The following GLDC variants were observed in gnomAD, a reference collection of about 807,000 sequenced individuals.
GLDC encodes glycine decarboxylase.
GLDC carries 104 observed loss-of-function variants against 121.3 expected under a neutral mutation model. The ratio of observed to expected loss-of-function variants is 0.86; its 90% CI spans 0.73 to 1.01. The LOEUF is 1.01. GLDC is among the 50% of genes least tolerant of loss of function. The probability of loss-of-function intolerance (pLI) is 0.00; values close to 1 mark genes in which losing one functional copy is unlikely to be tolerated. For synonymous variants in GLDC, 546 were observed against 480.6 expected, an observed-to-expected ratio of 1.14 and a Z score of -1.78; for missense variants, 1,429 against 1,306.6, an observed-to-expected ratio of 1.09 and a Z score of -1.44.
rs553833884 is a variant in GLDC at position 6,639,875 on chromosome 9, A to T, written c.334+4739T>A. On this transcript the variant is annotated intron_variant, in intron 2 of 24. Transcript: ENST00000321612. ...GAAAGCCAGATTGCTATCTCTAGTG[A>T]CAATCCAGGAAACCGAACAACAACT... Among the ~76,000 whole-genome samples the T allele has an allele frequency of 5.3e-5, 8 of 152,262 alleles. No individual in the cohort carries two copies. The South Asian group carries it at 1.2e-3, about 24-fold the overall frequency.
chr9:6,584,867 C>T (rs2129823074), intron 15 of GLDC, among the ~76,000 whole-genome samples: 1 of 152,258 alleles, frequency 6.6e-6, no homozygotes, highest in South Asian at 2.1e-4. Context: ...TTACCCTCTG[C>T]AAGATTGGGA....
chr9:6,622,366 C>T (rs1755613), intron 2 of GLDC, among the ~76,000 whole-genome samples: 24 of 148,004 alleles, frequency 1.6e-4, no homozygotes, highest in East Asian at 1.2e-3. Context: ...CTCAGCCTGA[C>T]GAGTGCCTGC....
At chr9:6,608,074 G>A (rs958021753) in intron 4 of GLDC, among the ~76,000 whole-genome samples, 3 of 152,000 alleles carry the variant, frequency 2.0e-5, no homozygotes, top group Non-Finnish European at 4.4e-5. Flanking sequence ...AGTGAGCTGA[G>A]ATCGTGCACC....
At chr9:6,634,940 G>A (rs1342169341) in intron 2 of GLDC, among the ~76,000 whole-genome samples, 2 of 152,142 alleles carry the variant, frequency 1.3e-5, no homozygotes, top group African/African-American at 4.8e-5. Context: ...CTTAGAGGGG[G>A]GAAAATAAAT....
intron 8 of GLDC, 59 bp from the exon 9 acceptor site, chr9:6,595,178 A>G: frequency 1.8e-6 from 2 of 1,102,492 alleles, no homozygotes; most frequent in Non-Finnish European, 2.8e-6. Context: ...GGGAGGGTGT[A>G]ATTACTTGAC....
intron 16 of GLDC, among the ~76,000 whole-genome samples, chr9:6,560,888 C>T (rs1475477870): frequency 6.6e-6 from 1 of 152,080 alleles, no homozygotes. Flanking sequence ...TTGGGCTGGG[C>T]CCTAAATATA....
intron 2 of GLDC, among the ~76,000 whole-genome samples, chr9:6,626,125 T>TA (rs1445922039): frequency 6.6e-6 from 1 of 151,900 alleles, no homozygotes; most frequent in Non-Finnish European, 1.5e-5. Context: ...AAGGTCTCTT[T>TA]ACTATGGTTT....
intron 8 of GLDC, among the ~76,000 whole-genome samples, chr9:6,598,606 G>C (rs1359402050): frequency 6.6e-6 from 1 of 152,188 alleles, no homozygotes; most frequent in Non-Finnish European, 1.5e-5. Context: ...AAAGACACCA[G>C]TCATCTCCTA....
At chr9:6,546,822 C>T (rs1464370247) in intron 21 of GLDC, among the ~76,000 whole-genome samples, 2 of 151,772 alleles carry the variant, frequency 1.3e-5, no homozygotes, top group African/African-American at 2.4e-5. Flanking sequence ...ATCAGCCAAG[C>T]GTGGTGATGA....
At chr9:6,543,795 G>C (rs1229608251) in intron 21 of GLDC, among the ~76,000 whole-genome samples, 1 of 151,920 alleles carries the variant, frequency 6.6e-6, no homozygotes. Flanking sequence ...AAACCACTCA[G>C]CACCAACTTT....
intron 1 of GLDC, 139 bp from the exon 2 acceptor site, chr9:6,644,831 G>A (rs1819706838): frequency 2.9e-6 from 2 of 699,146 alleles, no homozygotes; most frequent in Non-Finnish European, 5.1e-6. Context: ...GGAAAACTCT[G>A]AGCAAGCCAG....
chr9:6,561,955 C>A (rs975325444), intron 16 of GLDC, among the ~76,000 whole-genome samples: 2 of 152,190 alleles, frequency 1.3e-5, no homozygotes, highest in Non-Finnish European at 1.5e-5. Context: ...AAAATATTCC[C>A]ATACAGGTTT....
chr9:6,560,516 T>G (rs961838569), intron 16 of GLDC, among the ~76,000 whole-genome samples: 4 of 152,214 alleles, frequency 2.6e-5, no homozygotes, highest in Non-Finnish European at 2.9e-5. Context: ...TTTCTTTAAT[T>G]TCTGAGGACC....
chr9:6,622,048 G>T (rs552336475), intron 2 of GLDC, among the ~76,000 whole-genome samples: 1 of 151,910 alleles, frequency 6.6e-6, no homozygotes, highest in Non-Finnish European at 1.5e-5. Context: ...CAGCAAACTG[G>T]CAAGGAAGAC....
intron 20 of GLDC, among the ~76,000 whole-genome samples, chr9:6,551,759 G>A (rs1302072822): frequency 6.6e-6 from 1 of 152,136 alleles, no homozygotes; most frequent in African/African-American, 2.4e-5. Context: ...AAGAATGGCA[G>A]AAATGAAGGC....
intron 2 of GLDC, chr9:6,644,399 C>T (rs1321930242): frequency 6.6e-6 from 4 of 610,336 alleles, no homozygotes; most frequent in Non-Finnish European, 1.2e-5. Flanking sequence ...CCAAGAACCG[C>T]ACAACACCGA....
intron 15 of GLDC, among the ~76,000 whole-genome samples, chr9:6,577,815 A>G (rs1818099638): frequency 7.4e-6 from 1 of 135,116 alleles, no homozygotes; most frequent in Admixed American, 7.1e-5. Flanking sequence ...TACGTTATTG[A>G]TTTTTTTTTG....
At chr9:6,621,120 A>C (rs1219716989) in intron 2 of GLDC, among the ~76,000 whole-genome samples, 1 of 152,206 alleles carries the variant, frequency 6.6e-6, no homozygotes, top group Non-Finnish European at 1.5e-5. Flanking sequence ...TAGTGAGCTA[A>C]GATGGCGCCG....
intron 16 of GLDC, among the ~76,000 whole-genome samples, chr9:6,559,932 A>T (rs2129739811): frequency 6.6e-6 from 1 of 152,342 alleles, no homozygotes; most frequent in East Asian, 1.9e-4. Context: ...TGCAGCAGAA[A>T]CATGGACAAG....
Sources: gnomAD v4.1 joint callset for allele counts (sites outside exome capture counted in the v4.1 genomes callset) on GRCh38, gnomAD v4.1.1 for gene constraint, MANE v1.5 for transcripts, NCBI Gene and HGNC (gene_info 2026-07-23, HGNC 2026-07-21) for gene names.